DERPC: variants seen among roughly 807,000 people sequenced by gnomAD.
The protein encoded by DERPC is DERPC proline and glycine rich nuclear protein, also known as decreased expression in renal and prostate cancer protein.
DERPC carries 1 observed loss-of-function variant against 7.2 expected under a neutral mutation model. That is an observed-to-expected ratio of 0.14 (90% CI 0.05 to 0.66). DERPC has a LOEUF of 0.66. Among genes scored for constraint, DERPC ranks in the 30% least tolerant of loss-of-function variants. The pLI is 0.84. For missense variants in DERPC, 502 were observed against 299.4 expected (o/e 1.68, Z -4.99); for synonymous variants, 185 against 117.6 (o/e 1.57, Z -3.71).
chr16:69,128,055 C>T (rs981170613), intron 1 of DERPC, among the ~76,000 whole-genome samples: 1 of 152,162 alleles, frequency 6.6e-6, no homozygotes, highest in Non-Finnish European at 1.5e-5. Flanking sequence ...ACTGGAATTA[C>T]AGGCACCTGC....
Position 69,119,254 on chromosome 16 carries a change from T to C in DERPC, c.1175A>G (p.Gln392Arg). The change falls in exon 3 of 3, where the codon CAG (glutamine) becomes CGG (arginine). Residue 392 changes from glutamine (Q) to arginine (R), a missense_variant. By Grantham distance (43) the Gln-to-Arg change is conservative (BLOSUM62 1). Transcript: ENST00000519520. ...TGGGAAAATGGTTGGATTTGAGCCC[T>C]GGAGGCCAGCGGACCTTTGGAAGGT... ...PATFQRSAGL[Q>R]GSNPTIFPRA... 2.8e-6 allele frequency: 2 copies of C among 703,014 alleles called. No homozygotes were observed. The highest frequency in any genetic ancestry group is 1.7e-5 in the African/African-American group (1 of 57,384). 43.5% of individuals were successfully genotyped at this position (703,014 alleles called of 1,614,324 possible).
chr16:69,118,310 GTCTT>G lies in DERPC; in HGVS notation c.*540_*543del, dbSNP rs1417149006. ...GTCAAGCAGAAACTGCATTCGGTGG[GTCTT>G]TCTTTGAAGTGGTTGTCCATCTCCC... On this transcript the variant is annotated 3_prime_UTR_variant, in exon 3 of 3. Transcript: ENST00000519520. 10 of 1,205,290 alleles carry G rather than the reference GTCTT, an allele frequency of 8.3e-6. No individual in the cohort carries two copies. Among genetic ancestry groups the G allele is most frequent in the Middle Eastern group, 2.0e-4 (1 of 4,962 alleles). 74.7% of individuals were successfully genotyped at this position (1,205,290 alleles called of 1,614,324 possible).
chr16:69,123,387 G>T (rs1376968872), intron 1 of DERPC, among the ~76,000 whole-genome samples: 1 of 152,192 alleles, frequency 6.6e-6, no homozygotes, highest in Admixed American at 6.5e-5. Context: ...GCCAGGCGCG[G>T]TGTCTCAGGC....
In DERPC at chr16:69,118,638, G is replaced by A. The variant is rs1961357936; in HGVS notation, c.*216C>T. 1.4e-6 allele frequency: 1 copy of A among 700,690 alleles called. No individual in the cohort carries two copies. 43.4% of individuals were successfully genotyped at this position (700,690 alleles called of 1,614,324 possible). On this transcript the variant is annotated 3_prime_UTR_variant, in exon 3 of 3. Transcript: ENST00000519520. ...GGAGGCTGGAGATCCTTTCTCTCAA[G>A]GGCAGGATTATTCCCACCTGCCACA... is the stretch of plus-strand genomic sequence containing the variant.
At position 69,131,923 on chromosome 16, in the gene DERPC, G is replaced by A. The variant is rs185778108; in HGVS notation, c.-280+561C>T. ...TCTCCCAGAAGCCTCCCCCCTCCAC[G>A]ATTACAAATGTTACCTGGAACAAAA... On this transcript the variant is annotated intron_variant, in intron 1 of 2. Coordinates refer to ENST00000519520, the MANE Select transcript of DERPC (RefSeq NM_001002847.4). 2.6e-3 allele frequency among the ~76,000 whole-genome samples: 389 copies of A among 150,718 alleles called. 1 individual carries two copies. The highest frequency in any genetic ancestry group is 9.1e-3 in the African/African-American group (374 of 40,948).
chr16:69,128,008 A>G (rs1018951346), intron 1 of DERPC, among the ~76,000 whole-genome samples: 3 of 152,038 alleles, frequency 2.0e-5, no homozygotes, highest in African/African-American at 7.3e-5. Context: ...TCCGCTGCCC[A>G]GGATCAGGGG....
Position 69,118,264 on chromosome 16 carries a change from A to G in DERPC, c.*590T>C. 1 of 806,474 alleles carries G rather than the reference A, an allele frequency of 1.2e-6. No individual in the cohort carries two copies. The highest frequency in any genetic ancestry group is 2.2e-6 in the Non-Finnish European group (1 of 460,102). The allele number at this position is 806,474 out of a possible 1,614,324, so 50.0% of individuals were successfully genotyped here. A position where few individuals can be genotyped will look rare whatever the true frequency, so the allele number is the denominator to read the frequency against. On this transcript the variant is annotated 3_prime_UTR_variant, in exon 3 of 3. Transcript: ENST00000519520. The stretch of plus-strand genomic sequence containing the variant: ...CTGGCCACCTCTAAGTCCCAGGAGA[A>G]GGGAGCTGCAGGCCCAGTCAGTCAA...
chr16:69,118,054 A>T lies in DERPC; in HGVS notation c.*800T>A, dbSNP rs1961285702. The T allele has an allele frequency of 2.2e-6, 1 of 455,254 alleles. No individual in the cohort carries two copies. Among genetic ancestry groups the T allele is most frequent in the Non-Finnish European group, 4.0e-6 (1 of 250,216 alleles). 28.2% of individuals were successfully genotyped at this position (455,254 alleles called of 1,614,324 possible). ...TAAAGAAACAGTAAGAAAAGATACA[A>T]TGCAGGAAAACCACCAACCATCCTT... On this transcript the variant is annotated 3_prime_UTR_variant, in exon 3 of 3. Transcript: ENST00000519520.
intron 1 of DERPC, among the ~76,000 whole-genome samples, chr16:69,125,739 T>C (rs561294505): frequency 6.6e-6 from 1 of 152,188 alleles, no homozygotes; most frequent in Admixed American, 6.5e-5. Context: ...AAAAATCCTT[T>C]TATAAGGTTT....
chr16:69,128,659 A>G (rs1962266603), intron 1 of DERPC, among the ~76,000 whole-genome samples: 1 of 152,212 alleles, frequency 6.6e-6, no homozygotes, highest in Non-Finnish European at 1.5e-5. Context: ...CTGACCCACA[A>G]TGGGAACCCT....
rs1479046196 is a variant in DERPC at position 69,121,500 on chromosome 16, A to C, written c.-279-7T>G. Reference sequence around the variant, plus strand: ...AAAAGCAAGTGAAAACAAGCTGTAGAGAGAAAAAAAGAGATTTAGGGTAAT... The same window carrying C: ...AAAAGCAAGTGAAAACAAGCTGTAGCGAGAAAAAAAGAGATTTAGGGTAAT... On this transcript the variant is annotated splice_region_variant and splice_polypyrimidine_tract_variant and intron_variant, in intron 1 of 2. Transcript: ENST00000519520. The C allele has an allele frequency of 6.5e-7, 1 of 1,528,148 alleles. No homozygotes were observed. Among genetic ancestry groups the C allele is most frequent in the Admixed American group, 2.0e-5 (1 of 50,740 alleles). 94.7% of individuals were successfully genotyped at this position (1,528,148 alleles called of 1,614,324 possible). A position where few individuals can be genotyped will look rare whatever the true frequency, so the allele number is the denominator to read the frequency against.
At chr16:69,129,274 C>CA (rs1351559378) in intron 1 of DERPC, among the ~76,000 whole-genome samples, 3 of 150,722 alleles carry the variant, frequency 2.0e-5, no homozygotes, top group Admixed American at 6.6e-5. Flanking sequence ...AGTAAAAATA[C>CA]AAAAAATTAG....
intron 1 of DERPC, among the ~76,000 whole-genome samples, chr16:69,123,307 G>A (rs899925152): frequency 6.6e-6 from 1 of 152,096 alleles, no homozygotes; most frequent in African/African-American, 2.4e-5. Context: ...TGGTAATGAT[G>A]TAAGCTTCAA....
At position 69,118,103 on chromosome 16, in the gene DERPC, A is replaced by C; in HGVS notation, c.*751T>G. 3 of 522,890 alleles carry C rather than the reference A, an allele frequency of 5.7e-6. No homozygotes were observed. The highest frequency in any genetic ancestry group is 6.8e-5 in the East Asian group (2 of 29,230). 32.4% of individuals were successfully genotyped at this position (522,890 alleles called of 1,614,324 possible). ...TTGCACACCAGGCCGAACAAAGCACAGTGATTTCTTCCCTTCATCCCCCAC... is the reference window on the plus strand; with the variant it reads ...TTGCACACCAGGCCGAACAAAGCACCGTGATTTCTTCCCTTCATCCCCCAC... On this transcript the variant is annotated 3_prime_UTR_variant, in exon 3 of 3. Transcript: ENST00000519520.
chr16:69,118,626 C>CCTTT lies in DERPC; in HGVS notation c.*224_*227dup, dbSNP rs1961356247. 1.4e-6 allele frequency: 1 copy of CCTTT among 703,862 alleles called. No individual in the cohort carries two copies. The highest frequency in any genetic ancestry group is 1.5e-5 in the South Asian group (1 of 67,464). The allele number at this position is 703,862 out of a possible 1,614,324, so 43.6% of individuals were successfully genotyped here. A position where few individuals can be genotyped will look rare whatever the true frequency, so the allele number is the denominator to read the frequency against. The stretch of plus-strand genomic sequence containing the variant: ...AGCAGGCTTCTGGGAGGCTGGAGAT[C>CCTTT]CTTTCTCTCAAGGGCAGGATTATTC... On this transcript the variant is annotated 3_prime_UTR_variant, in exon 3 of 3. Coordinates refer to ENST00000519520, the MANE Select transcript of DERPC (RefSeq NM_001002847.4).
chr16:69,119,705 C>T lies in DERPC; in HGVS notation c.724G>A (p.Gly242Ser), dbSNP rs3743680. 1,175 of 680,128 alleles carry T rather than the reference C, an allele frequency of 1.7e-3. 18 individuals are homozygous for T. In the East Asian group the frequency reaches 0.029, roughly 17 times the overall value. The allele number at this position is 680,128 out of a possible 1,614,324, so 42.1% of individuals were successfully genotyped here. ...PGLGPNPRPS[G>S]LGPGPNLDAR... is the part of the protein sequence containing the mutation. The stretch of plus-strand genomic sequence containing the variant: ...TCTAGATTAGGGCCTGGGCCCAGGC[C>T]ACTTGGTCTTGGGTTGGGCCCAAGG... Residue 242 changes from glycine to serine, a missense_variant, in exon 3 of 3, where the codon GGC (glycine) becomes AGC (serine). By Grantham distance (56) the Gly-to-Ser change is moderately conservative (BLOSUM62 0). Transcript: ENST00000519520.
rs1386990292 is a variant in DERPC, at chr16:69,118,725, C to T, written c.*129G>A. The stretch of plus-strand genomic sequence containing the variant: ...AGAAAAACGCAAAGGAAAAAGATGG[C>T]TCATTTGAACTTGAGCCCAAGCTAT... On this transcript the variant is annotated 3_prime_UTR_variant, in exon 3 of 3. Coordinates refer to ENST00000519520, the MANE Select transcript of DERPC (RefSeq NM_001002847.4). 4.7e-6 allele frequency: 3 copies of T among 641,740 alleles called. No homozygotes were observed. The highest frequency in any genetic ancestry group is 1.8e-5 in the South Asian group (1 of 55,058). The allele number at this position is 641,740 out of a possible 1,614,324, so 39.8% of individuals were successfully genotyped here.
intron 1 of DERPC, among the ~76,000 whole-genome samples, chr16:69,130,849 T>C (rs1180808514): frequency 6.6e-6 from 1 of 152,126 alleles, no homozygotes; most frequent in Non-Finnish European, 1.5e-5. Context: ...TAAAATCAAG[T>C]TTTCATAACA....
chr16:69,120,524 C>T lies in DERPC; in HGVS notation c.-96G>A. The T allele has an allele frequency of 6.2e-7, 1 of 1,614,132 alleles. No homozygotes were observed. Among genetic ancestry groups the T allele is most frequent in the Non-Finnish European group, 8.5e-7 (1 of 1,180,022 alleles). ...CTGTCACCAGGTACCGGGTGCCAGT[C>T]TCGCGGCCAAGCTCATCACAGTCCT... On this transcript the variant is annotated 5_prime_UTR_variant, in exon 3 of 3. Transcript: ENST00000519520. This position sits in a 1 kb window ranked among gnomAD's most constrained non-coding sequence, Gnocchi z 4.0.
Sources: allele counts gnomAD v4.1 joint callset (sites outside exome capture counted in the v4.1 genomes callset), GRCh38; gene constraint gnomAD v4.1.1; non-coding constraint Gnocchi (gnomAD v3.1); transcripts MANE v1.5; gene names NCBI Gene and HGNC (gene_info 2026-07-23, HGNC 2026-07-21).